RBFOX2: variants seen among roughly 807,000 people sequenced by gnomAD.
RBFOX2 encodes RNA binding fox-1 homolog 2.
RBFOX2 carries 10 observed loss-of-function variants against 49.1 expected under a neutral mutation model. That is an observed-to-expected ratio of 0.20 (90% CI 0.13 to 0.35). RBFOX2 has a LOEUF of 0.35. RBFOX2 is among the 10% of genes least tolerant of loss of function. The pLI is 1.00. For synonymous variants in RBFOX2, 183 were observed against 187.4 expected (o/e 0.98, Z 0.19); for missense variants, 323 against 486.9 (o/e 0.66, Z 3.17).
At chr22:35,971,898 T>A (rs2056891050) in intron 1 of RBFOX2, among the ~76,000 whole-genome samples, 1 of 148,940 alleles carries the variant, frequency 6.7e-6, no homozygotes, top group African/African-American at 2.5e-5. Context: ...CCTTTCCTTT[T>A]TTCTTTTTCT....
chr22:36,005,797 G>A (rs373593802), intron 1 of RBFOX2, among the ~76,000 whole-genome samples: 3 of 152,324 alleles, frequency 2.0e-5, no homozygotes, highest in East Asian at 1.9e-4. Flanking sequence ...AGAGCCAATC[G>A]TTTCTCATAA....
At chr22:35,945,520 A>G (rs1416138840) in intron 1 of RBFOX2, among the ~76,000 whole-genome samples, 1 of 152,064 alleles carries the variant, frequency 6.6e-6, no homozygotes, top group Non-Finnish European at 1.5e-5. Flanking sequence ...GGCTCATTGC[A>G]GCCTCGACCT....
chr22:35,974,355 G>T (rs974548158), intron 1 of RBFOX2, among the ~76,000 whole-genome samples: 9 of 152,102 alleles, frequency 5.9e-5, no homozygotes, highest in African/African-American at 2.2e-4. Context: ...ATTCGTTCTC[G>T]TCTATTAACA....
intron 1 of RBFOX2, among the ~76,000 whole-genome samples, chr22:35,894,947 A>G (rs1286006257): frequency 6.7e-6 from 1 of 150,058 alleles, no homozygotes; most frequent in Non-Finnish European, 1.5e-5. Context: ...GTGGGGAGAA[A>G]CCCCCCAAAA....
At chr22:35,888,970 C>A (rs2046926827) in intron 1 of RBFOX2, among the ~76,000 whole-genome samples, 1 of 152,134 alleles carries the variant, frequency 6.6e-6, no homozygotes, top group Non-Finnish European at 1.5e-5. Context: ...GCCTGGCCAA[C>A]ATGGTGAAAC....
chr22:36,024,355 A>G (rs2146570159), intron 1 of RBFOX2, among the ~76,000 whole-genome samples: 1 of 152,352 alleles, frequency 6.6e-6, no homozygotes, highest in Middle Eastern at 3.4e-3. Flanking sequence ...ATGACACACA[A>G]TTAAGCATCA....
At chr22:35,928,747 T>C (rs2051991087) in intron 1 of RBFOX2, among the ~76,000 whole-genome samples, 3 of 151,962 alleles carry the variant, frequency 2.0e-5, no homozygotes, top group African/African-American at 4.8e-5. Flanking sequence ...TTCTTACAAC[T>C]CAATAAGAAG....
rs192175370 is a variant in RBFOX2, at chr22:35,905,843, T to C, written c.-34+33004A>G. On this transcript the variant is annotated intron_variant, in intron 1 of 13. Coordinates refer to the RBFOX2 transcript ENST00000359369. ...AGTCAATGATGGAACACATATGTCA[T>C]GGTGGTCCCGTAAGATGATAATGCC... Among the ~76,000 whole-genome samples the C allele has an allele frequency of 1.2e-3, 190 of 152,290 alleles. 1 individual carries two copies. Among genetic ancestry groups the C allele is most frequent in the Admixed American group, 0.011 (168 of 15,288 alleles).
At chr22:35,944,788 A>G (rs1213845352) in intron 1 of RBFOX2, among the ~76,000 whole-genome samples, 1 of 152,126 alleles carries the variant, frequency 6.6e-6, no homozygotes, top group Admixed American at 6.5e-5. Context: ...TGAAAAAAAC[A>G]AATCTGGCCA....
chr22:35,837,883 T>G (rs1957972438), intron 1 of RBFOX2, among the ~76,000 whole-genome samples: 1 of 152,204 alleles, frequency 6.6e-6, no homozygotes, highest in Non-Finnish European at 1.5e-5. Context: ...CTTTAAATAC[T>G]AATTATTACG....
chr22:35,773,782 TATTTAATA>T (rs1443633632), intron 4 of RBFOX2, among the ~76,000 whole-genome samples: 1 of 152,112 alleles, frequency 6.6e-6, no homozygotes, highest in East Asian at 1.9e-4. Flanking sequence ...TGTATTTCTT[TATTTAATA>T]AGCTTGATAA....
intron 1 of RBFOX2, among the ~76,000 whole-genome samples, chr22:36,003,437 G>A (rs1247926970): frequency 2.6e-5 from 4 of 152,076 alleles, no homozygotes; most frequent in South Asian, 2.1e-4. Context: ...ACTTCTTAGC[G>A]TGGCATAAAA....
chr22:35,897,806 T>C (rs2048045909), intron 1 of RBFOX2: 1 of 750,642 alleles, frequency 1.3e-6, no homozygotes, highest in African/African-American at 1.7e-5. Context: ...AGCTTTACGA[T>C]AATGGCTTCT....
intron 1 of RBFOX2, among the ~76,000 whole-genome samples, chr22:36,007,225 T>C (rs555208930): frequency 3.0e-4 from 45 of 151,964 alleles, no homozygotes; most frequent in South Asian, 8.3e-4. Flanking sequence ...TTTCAGTAAA[T>C]AAAAAATGTA....
chr22:35,956,362 AT>A (rs542743357), intron 1 of RBFOX2, among the ~76,000 whole-genome samples: 272 of 143,962 alleles, frequency 1.9e-3, no homozygotes, highest in Middle Eastern at 3.6e-3. Flanking sequence ...GGCTTGCTTC[AT>A]TTTTTTTTTT....
intron 1 of RBFOX2, among the ~76,000 whole-genome samples, chr22:35,914,126 G>A (rs2050140611): frequency 6.6e-6 from 1 of 152,176 alleles, no homozygotes; most frequent in Non-Finnish European, 1.5e-5. Flanking sequence ...CAGCCTAGTG[G>A]AATGGAAGAG....
chr22:35,756,820 GTCAA>G, intron 9 of RBFOX2, among the ~76,000 whole-genome samples: 1 of 151,762 alleles, frequency 6.6e-6, no homozygotes. Flanking sequence ...AGAAAAACAA[GTCAA>G]TCAATTCTGA....
chr22:35,931,194 G>GC (rs761579702), intron 1 of RBFOX2, among the ~76,000 whole-genome samples: 4 of 151,834 alleles, frequency 2.6e-5, no homozygotes, highest in Non-Finnish European at 5.9e-5. Context: ...TTGGACAGAA[G>GC]CAACAGTTTG....
chr22:35,889,999 C>A (rs2047051973), intron 1 of RBFOX2, among the ~76,000 whole-genome samples: 1 of 152,100 alleles, frequency 6.6e-6, no homozygotes, highest in African/African-American at 2.4e-5. Flanking sequence ...AATGGCACAA[C>A]CAAGACCCGA....
Sources: gnomAD v4.1 joint callset for allele counts (sites outside exome capture counted in the v4.1 genomes callset) on GRCh38, gnomAD v4.1.1 for gene constraint, MANE v1.5 for transcripts, NCBI Gene and HGNC (gene_info 2026-07-23, HGNC 2026-07-21) for gene names.